The following LMO7 variants were observed in gnomAD, a reference collection of about 807,000 sequenced individuals.
LMO7 encodes LIM domain only protein 7.
In LMO7, 120 loss-of-function variants were observed where a neutral mutation model predicts 206.5. The observed-to-expected ratio is 0.58, with a 90% CI of 0.50 to 0.68. The LOEUF (loss-of-function observed/expected upper bound fraction) is 0.68, where lower values mean the gene tolerates loss of function less well. Among genes scored for constraint, LMO7 ranks in the 30% least tolerant of loss-of-function variants. The probability of loss-of-function intolerance (pLI) is 0.00; values close to 1 mark genes in which losing one functional copy is unlikely to be tolerated. For missense variants in LMO7, 1,959 were observed against 1,957.9 expected, an observed-to-expected ratio of 1.00 and a Z score of -0.01; for synonymous variants, 706 against 681.5, an observed-to-expected ratio of 1.04 and a Z score of -0.56.
intron 12 of LMO7, among the ~76,000 whole-genome samples, chr13:75,817,854 T>G (rs543052511): frequency 6.6e-6 from 1 of 152,344 alleles, no homozygotes; most frequent in South Asian, 2.1e-4. Context: ...AGACTTACTC[T>G]TTAGTTTTGA....
chr13:75,856,174 C>T (rs2060921874), intron 29 of LMO7, among the ~76,000 whole-genome samples: 1 of 152,126 alleles, frequency 6.6e-6, no homozygotes, highest in African/African-American at 2.4e-5. Context: ...TTCACTCTGG[C>T]CACTTCTTTC....
At chr13:75,842,949 T>C (rs780750243) in intron 25 of LMO7, 33 bp downstream of exon 25, 2 of 1,287,538 alleles carry the variant, frequency 1.6e-6, no homozygotes, top group South Asian at 1.2e-5. Flanking sequence ...ATTTAATTGA[T>C]GATAATGGCT....
rs949515853 is a variant in LMO7 at position 75,659,425 on chromosome 13, A to G, written c.69+22699A>G. ...AACATACCCGAGACTGGGAAGAAAA[A>G]GAGGTTTAATTGGACTTACAGTTCC... is the stretch of plus-strand genomic sequence containing the variant. On this transcript the variant is annotated intron_variant, in intron 1 of 30. Coordinates refer to ENST00000377534, the MANE Select transcript of LMO7 (RefSeq NM_001306080.2). Among the ~76,000 whole-genome samples, 5 of 152,236 alleles carry G rather than the reference A, an allele frequency of 3.3e-5. No homozygotes were observed. The South Asian group carries it at 1.0e-3, about 31-fold the overall frequency.
In LMO7 at chr13:75,841,647, C is replaced by A; in HGVS notation, c.3695C>A (p.Ser1232Ter). ...ACCTAGGAACTGATGGTCCTAAGCT[C>A]AAACAGCATGTCTCTGACCACACGG... ...YLDEELMVLS[S>*]NSMSLTTREP... Residue 1232 changes from serine to a stop codon, truncating the protein, a stop_gained, in exon 24 of 31, where the codon TCA becomes TAA. Transcript: ENST00000377534. LOFTEE classifies it high-confidence loss of function. The A allele has an allele frequency of 6.2e-7, 1 of 1,612,766 alleles. No individual in the cohort carries two copies. Among genetic ancestry groups the A allele is most frequent in the South Asian group, 1.1e-5 (1 of 90,976 alleles).
At chr13:75,836,975 T>A (rs1289550878) in intron 19 of LMO7, among the ~76,000 whole-genome samples, 1 of 152,142 alleles carries the variant, frequency 6.6e-6, no homozygotes, top group Non-Finnish European at 1.5e-5. Context: ...CTTCTGCCCA[T>A]CCAGAAATAA....
chr13:75,812,369 T>C (rs1225130527), intron 11 of LMO7, among the ~76,000 whole-genome samples: 1 of 152,232 alleles, frequency 6.6e-6, no homozygotes, highest in African/African-American at 2.4e-5. Context: ...ATTCCTATAG[T>C]ACCTGATGGA....
chr13:75,742,649 C>G (rs886611826), intron 3 of LMO7, among the ~76,000 whole-genome samples: 1 of 152,182 alleles, frequency 6.6e-6, no homozygotes, highest in Non-Finnish European at 1.5e-5. Context: ...ATAAATAGTG[C>G]TGGTATAACT....
chr13:75,772,196 T>A (rs2049848027), intron 4 of LMO7, among the ~76,000 whole-genome samples: 1 of 152,080 alleles, frequency 6.6e-6, no homozygotes, highest in East Asian at 1.9e-4. Flanking sequence ...TGATTGCCAT[T>A]TATTAGGAGG....
intron 4 of LMO7, among the ~76,000 whole-genome samples, chr13:75,779,941 A>G (rs1181762051): frequency 2.6e-5 from 4 of 152,170 alleles, no homozygotes; most frequent in Non-Finnish European, 5.9e-5. Context: ...TCCGGGGGAG[A>G]CATCACATGT....
At chr13:75,759,427 C>A (rs906081401) in intron 3 of LMO7, among the ~76,000 whole-genome samples, 4 of 152,158 alleles carry the variant, frequency 2.6e-5, no homozygotes, top group African/African-American at 9.7e-5. Context: ...ATGGGCCTAA[C>A]AAAATTATCA....
chr13:75,639,192 A>G (rs1001756492), intron 1 of LMO7, among the ~76,000 whole-genome samples: 1 of 152,092 alleles, frequency 6.6e-6, no homozygotes, highest in African/African-American at 2.4e-5. Flanking sequence ...TCTCACAACC[A>G]AAGTTTATTT....
At chr13:75,809,934 C>T (rs2056122398) in intron 11 of LMO7, among the ~76,000 whole-genome samples, 1 of 149,700 alleles carries the variant, frequency 6.7e-6, no homozygotes, top group African/African-American at 2.5e-5. Context: ...CAGGTTCAAG[C>T]AATTCTCCTG....
chr13:75,664,051 T>C (rs1322211468), intron 1 of LMO7, among the ~76,000 whole-genome samples: 2 of 152,158 alleles, frequency 1.3e-5, no homozygotes, highest in African/African-American at 4.8e-5. Flanking sequence ...ACAATCACCC[T>C]GTTATCCTAG....
At chr13:75,736,116 A>G (rs567671305) in intron 3 of LMO7, among the ~76,000 whole-genome samples, 4 of 152,370 alleles carry the variant, frequency 2.6e-5, no homozygotes, top group Admixed American at 6.5e-5. Context: ...TTTAAATTCA[A>G]AGATCTCTCC....
intron 17 of LMO7, among the ~76,000 whole-genome samples, chr13:75,834,752 AAG>A (rs995539912): frequency 6.6e-6 from 1 of 152,182 alleles, no homozygotes; most frequent in African/African-American, 2.4e-5. Flanking sequence ...ATATTGGTAT[AAG>A]AGAGAGAGCT....
At chr13:75,667,146 ATGTACTC>A (rs2039145716) in intron 1 of LMO7, among the ~76,000 whole-genome samples, 3 of 152,178 alleles carry the variant, frequency 2.0e-5, no homozygotes, top group Admixed American at 6.5e-5. Context: ...ATTCAAATCA[ATGTACTC>A]TGGTATGTAA....
At chr13:75,719,102 C>T (rs2043805395) in intron 2 of LMO7, among the ~76,000 whole-genome samples, 1 of 151,848 alleles carries the variant, frequency 6.6e-6, no homozygotes, top group Non-Finnish European at 1.5e-5. Flanking sequence ...GCCTCAGCCT[C>T]TCGAGTAGCT....
intron 26 of LMO7, among the ~76,000 whole-genome samples, chr13:75,847,614 G>C (rs1267191295): frequency 1.3e-5 from 2 of 152,170 alleles, no homozygotes; most frequent in African/African-American, 2.4e-5. Flanking sequence ...TTTTTTGAGA[G>C]AAGAAAACTC....
chr13:75,819,427 A>G lies in LMO7; in HGVS notation c.2099A>G (p.Tyr700Cys). The G allele has an allele frequency of 6.2e-7, 1 of 1,610,212 alleles. No individual in the cohort carries two copies. Among genetic ancestry groups the G allele is most frequent in the South Asian group, 1.1e-5 (1 of 90,336 alleles). The change falls in exon 13 of 31, where the codon TAC becomes TGC. Residue 700 changes from tyrosine to cysteine, a missense_variant. Transcript: ENST00000377534. ...LAKWKDRRKS[Y>C]TSDLQKKKEE... ...AAATGGAAAGATCGTCGAAAAAGTT[A>G]CACTTCAGATCTGCAGAAGAAAAAA...
Sources: gnomAD v4.1 joint callset for allele counts (sites outside exome capture counted in the v4.1 genomes callset) on GRCh38, gnomAD v4.1.1 for gene constraint, MANE v1.5 for transcripts, NCBI Gene and HGNC (gene_info 2026-07-23, HGNC 2026-07-21) for gene names.